The following MEGF8 variants were observed in gnomAD, a reference collection of about 807,000 sequenced individuals.
MEGF8 encodes multiple EGF like domains 8, also known as multiple epidermal growth factor-like domains protein 8.
In MEGF8, 156 loss-of-function variants were observed where a neutral mutation model predicts 302.9. The ratio of observed to expected loss-of-function variants is 0.52; its 90% confidence interval spans 0.45 to 0.59. The LOEUF is 0.59. Ranked by LOEUF, MEGF8 falls within the 20% of genes least tolerant of loss-of-function variation. The pLI is 0.00. For missense variants in MEGF8, 3,345 were observed against 3,964.5 expected (o/e 0.84, Z 4.20); for synonymous variants, 1,621 against 1,660.5 (o/e 0.98, Z 0.58).
At position 42,358,742 on chromosome 19, in the gene MEGF8, G is replaced by C; in HGVS notation, c.5176-45G>C. On this transcript the variant is annotated intron_variant, in intron 29 of 41. Coordinates refer to ENST00000251268, the MANE Select transcript of MEGF8 (RefSeq NM_001271938.2). The surrounding 1 kb of genome is among the most constrained non-coding windows in gnomAD (Gnocchi z 4.4). ...CTTGGAGGCAGGGGGCTAGAAGCAA[G>C]AGACTCGAGGAGCCTCAACCCCAGG... 6.8e-7 allele frequency: 1 copy of C among 1,471,380 alleles called. No individual in the cohort carries two copies. The highest frequency in any genetic ancestry group is 1.4e-5 in the South Asian group (1 of 69,340). The allele number at this position is 1,471,380 out of a possible 1,614,324, so 91.1% of individuals were successfully genotyped here. A position where few individuals can be genotyped will look rare whatever the true frequency, so the allele number is the denominator to read the frequency against.
At chr19:42,343,739 C>A in intron 9 of MEGF8, 108 bp downstream of exon 9, 1 of 1,414,596 alleles carries the variant, frequency 7.1e-7, no homozygotes, top group Non-Finnish European at 9.4e-7. Context: ...GAGTGGGGAT[C>A]CCTAGGACCA....
chr19:42,343,710 AGGGGATCCCTGGGAGAAGGAGT>A (rs1418572271), intron 9 of MEGF8, 79 bp downstream of exon 9: 1 of 1,469,510 alleles, frequency 6.8e-7, no homozygotes, highest in African/African-American at 1.4e-5. Flanking sequence ...GAAAGGCAGG[AGGGGATCCCTGGGAGAAGGAGT>A]GGGGATCCCT....
chr19:42,368,485 T>G lies in MEGF8; in HGVS notation c.6304T>G (p.Cys2102Gly). ...GAGCCCTTCCTACCTGCCCCTGCGA[T>G]GTATGGCCGGAGGCTGTGGGCGGCT... Reference protein sequence around the residue: ...CLSPSYLPLRCMAGGCGRLLR... With the variant: ...CLSPSYLPLRGMAGGCGRLLR... Residue 2102 changes from cysteine to glycine, a missense_variant, in exon 36 of 42, where the codon TGT becomes GGT. Coordinates refer to ENST00000251268, the MANE Select transcript of MEGF8 (RefSeq NM_001271938.2). This position sits in a 1 kb window ranked among gnomAD's most constrained non-coding sequence, Gnocchi z 4.9. The G allele has an allele frequency of 1.2e-6, 2 of 1,610,020 alleles. No homozygotes were observed. The highest frequency in any genetic ancestry group is 1.1e-5 in the South Asian group (1 of 90,218).
rs1387452081 is a variant in MEGF8 at position 42,375,989 on chromosome 19, G to A, written c.7752G>A (p.Ser2584=). The A allele has an allele frequency of 1.3e-5, 21 of 1,606,916 alleles. No homozygotes were observed. The highest frequency in any genetic ancestry group is 4.0e-5 in the African/African-American group (3 of 74,864). Residue 2584 remains serine, a synonymous_variant, in exon 42 of 42, where the codon TCG becomes TCA. Transcript: ENST00000251268. The surrounding 1 kb of genome is among the most constrained non-coding windows in gnomAD (Gnocchi z 7.1). ...CCTACGTGACGGTGACGGAGCCGTCGGCAGTGCTGGTGGTCCGCGGCGTGC... is the reference window on the plus strand; with the variant it reads ...CCTACGTGACGGTGACGGAGCCGTCAGCAGTGCTGGTGGTCCGCGGCGTGC... The part of the protein sequence containing the change: ...LITYVTVTEP[S]AVLVVRGVRD...
At position 42,375,517 on chromosome 19, in the gene MEGF8, G is replaced by A; in HGVS notation, c.7280G>A (p.Cys2427Tyr). The change falls in exon 42 of 42, where the codon TGC becomes TAC. Residue 2427 changes from cysteine to tyrosine, a missense_variant. Physicochemically the swap from Cys to Tyr is radical, Grantham distance 194. Coordinates refer to ENST00000251268, the MANE Select transcript of MEGF8 (RefSeq NM_001271938.2). The surrounding 1 kb of genome is among the most constrained non-coding windows in gnomAD (Gnocchi z 7.1). ...RDCYKYQCAK[C>Y]RESFHGSPLG... ...TAACCCTGCCCGCAGTGCGCCAAGT[G>A]CCGGGAATCATTTCACGGGAGTCCG... 2 of 1,584,000 alleles carry A rather than the reference G, an allele frequency of 1.3e-6. No homozygotes were observed. Among genetic ancestry groups the A allele is most frequent in the Non-Finnish European group, 1.7e-6 (2 of 1,165,962 alleles).
In MEGF8 at chr19:42,376,949, G is replaced by C; in HGVS notation, c.*174G>C. ...GTTCTGCATTCAGCAGCTATTTATC[G>C]AGTACCTACTCTGTCAGGCACTGTC... On this transcript the variant is annotated 3_prime_UTR_variant, in exon 42 of 42. Coordinates refer to ENST00000251268, the MANE Select transcript of MEGF8 (RefSeq NM_001271938.2). The surrounding 1 kb of genome is among the most constrained non-coding windows in gnomAD (Gnocchi z 8.2). 1.6e-6 allele frequency: 1 copy of C among 625,330 alleles called. No homozygotes were observed. Among genetic ancestry groups the C allele is most frequent in the South Asian group, 3.7e-5 (1 of 27,316 alleles). 38.7% of individuals were successfully genotyped at this position (625,330 alleles called of 1,614,324 possible).
At chr19:42,363,641 C>T (rs2039564662) in intron 35 of MEGF8, among the ~76,000 whole-genome samples, 1 of 152,168 alleles carries the variant, frequency 6.6e-6, no homozygotes, top group African/African-American at 2.4e-5. Flanking sequence ...CTTAATGCTT[C>T]TTCCTTCAAC....
rs1358868622 is a variant in MEGF8, at chr19:42,354,132, GT to G, written c.4011+115del. 25 of 1,208,508 alleles carry G rather than the reference GT, an allele frequency of 2.1e-5. No individual in the cohort carries two copies. The highest frequency in any genetic ancestry group is 5.0e-5 in the South Asian group (3 of 60,484). 74.9% of individuals were successfully genotyped at this position (1,208,508 alleles called of 1,614,324 possible). A position where few individuals can be genotyped will look rare whatever the true frequency, so the allele number is the denominator to read the frequency against. On this transcript the variant is annotated intron_variant, in intron 22 of 41. Coordinates refer to ENST00000251268, the MANE Select transcript of MEGF8 (RefSeq NM_001271938.2). This position sits in a 1 kb window ranked among gnomAD's most constrained non-coding sequence, Gnocchi z 4.3. ...CTAGTATTGCTGTTTTTTTTTTTTT[GT>G]TTTTTTAATCCTTCAAAACCCAAAC...
At chr19:42,359,042 G>A in intron 30 of MEGF8, 56 bp from the exon 31 acceptor site, 3 of 1,536,436 alleles carry the variant, frequency 2.0e-6, no homozygotes, top group Non-Finnish European at 2.6e-6. Flanking sequence ...CTAAGAGGGA[G>A]CAGAGGACAG....
rs570125469 is a variant in MEGF8, at chr19:42,333,698, C to G, written c.281C>G (p.Pro94Arg). ...DYLFVYDGDS[P>R]RGPLLASLSG... Reference sequence around the variant, plus strand: ...CTGTTCGTGTATGACGGTGACTCCCCGCGAGGGCCGCTGCTTGCCAGTCTA... The same window carrying G: ...CTGTTCGTGTATGACGGTGACTCCCGGCGAGGGCCGCTGCTTGCCAGTCTA... Residue 94 changes from proline (P) to arginine (R), a missense_variant, in exon 2 of 42, where the codon CCG (proline) becomes CGG (arginine). Pro to Arg is a moderately radical substitution (Grantham distance 103, BLOSUM62 -2). Coordinates refer to ENST00000251268, the MANE Select transcript of MEGF8 (RefSeq NM_001271938.2). 1.2e-6 allele frequency: 2 copies of G among 1,613,872 alleles called. No individual in the cohort carries two copies. The highest frequency in any genetic ancestry group is 1.7e-6 in the Non-Finnish European group (2 of 1,179,906).
intron 12 of MEGF8, among the ~76,000 whole-genome samples, chr19:42,347,463 A>G (rs1190752900): frequency 6.6e-6 from 1 of 151,000 alleles, no homozygotes; most frequent in Non-Finnish European, 1.5e-5. Context: ...GATTACAAAC[A>G]TGCACCACCA....
Position 42,353,239 on chromosome 19 carries a change from G to A in MEGF8, c.3550+112G>A. 3.6e-6 allele frequency: 4 copies of A among 1,118,700 alleles called. No individual in the cohort carries two copies. Among genetic ancestry groups the A allele is most frequent in the Non-Finnish European group, 5.0e-6 (4 of 800,722 alleles). 69.3% of individuals were successfully genotyped at this position (1,118,700 alleles called of 1,614,324 possible). A position where few individuals can be genotyped will look rare whatever the true frequency, so the allele number is the denominator to read the frequency against. Reference sequence around the variant, plus strand: ...CTCAGTGTCCTCTCATGCAGCTCTAGGTCCCCTGCCCCATTCCTGTTCCTG... The same window carrying A: ...CTCAGTGTCCTCTCATGCAGCTCTAAGTCCCCTGCCCCATTCCTGTTCCTG... On this transcript the variant is annotated intron_variant, in intron 20 of 41. Coordinates refer to ENST00000251268, the MANE Select transcript of MEGF8 (RefSeq NM_001271938.2). The surrounding 1 kb of genome is among the most constrained non-coding windows in gnomAD (Gnocchi z 6.1).
chr19:42,344,493 C>A lies in MEGF8; in HGVS notation c.1841C>A (p.Ala614Asp). 1 of 1,598,542 alleles carries A rather than the reference C, an allele frequency of 6.3e-7. No homozygotes were observed. Among genetic ancestry groups the A allele is most frequent in the Non-Finnish European group, 8.5e-7 (1 of 1,179,350 alleles). ...GGCCGCCTCCTGGGTGACTGCCAGG[C>A]CTGCCTGGCCTTCAGCAGCCCCACA... is the stretch of plus-strand genomic sequence containing the variant. ...GLGRLLGDCQ[A>D]CLAFSSPTAP... The change falls in exon 11 of 42, where the codon GCC (alanine) becomes GAC (aspartate). Residue 614 changes from alanine to aspartate, a missense_variant. Physicochemically the swap from Ala to Asp is moderately radical, Grantham distance 126. Transcript: ENST00000251268. This position sits in a 1 kb window ranked among gnomAD's most constrained non-coding sequence, Gnocchi z 4.5.
Position 42,352,471 on chromosome 19 carries a change from G to T in MEGF8, c.3350+15G>T. The T allele has an allele frequency of 1.3e-6, 2 of 1,572,128 alleles. No homozygotes were observed. Among genetic ancestry groups the T allele is most frequent in the South Asian group, 2.3e-5 (2 of 86,364 alleles). On this transcript the variant is annotated intron_variant, in intron 19 of 41. Transcript: ENST00000251268. This position sits in a 1 kb window ranked among gnomAD's most constrained non-coding sequence, Gnocchi z 4.4. Reference sequence around the variant, plus strand: ...TGCAACCGCACGTGAGTGAGGCGGGGGTTGCTATGGAGATGTTGCCCCAGG... The same window carrying T: ...TGCAACCGCACGTGAGTGAGGCGGGTGTTGCTATGGAGATGTTGCCCCAGG...
intron 31 of MEGF8, 138 bp from the exon 32 acceptor site, chr19:42,360,637 C>T: frequency 2.7e-6 from 4 of 1,470,946 alleles, no homozygotes; most frequent in Non-Finnish European, 9.0e-7. Context: ...GAGCCACCGC[C>T]CTTGGCCTTG....
chr19:42,374,470 CAA>C (rs58700897), intron 41 of MEGF8, among the ~76,000 whole-genome samples: 16 of 56,294 alleles, frequency 2.8e-4, no homozygotes, highest in Non-Finnish European at 3.1e-4. Flanking sequence ...GACTCTGTCT[CAA>C]AAAAAAAAAA....
intron 35 of MEGF8, among the ~76,000 whole-genome samples, chr19:42,365,955 G>A (rs2039599249): frequency 6.6e-6 from 1 of 151,782 alleles, no homozygotes; most frequent in African/African-American, 2.4e-5. Flanking sequence ...GGTGGCAGGT[G>A]CCTGTAATCC....
At chr19:42,341,344 G>A (rs1488813784) in intron 8 of MEGF8, among the ~76,000 whole-genome samples, 4 of 149,066 alleles carry the variant, frequency 2.7e-5, no homozygotes, top group South Asian at 4.2e-4. Flanking sequence ...CAGGAGAATC[G>A]CTTGAACCCA....
Position 42,335,337 on chromosome 19 carries a change from C to T in MEGF8, c.780C>T (p.Tyr260=). ...LNNALGDLVL[Y]NFSANTWESW... ...ATGCCCTGGGTGACCTCGTCCTATA[C>T]AACTTCTCCGCCAACACCTGGGAGT... is the stretch of plus-strand genomic sequence containing the variant. The change falls in exon 5 of 42, where the codon TAC becomes TAT. Residue 260 remains tyrosine (Y), a synonymous_variant. Coordinates refer to ENST00000251268, the MANE Select transcript of MEGF8 (RefSeq NM_001271938.2). 2 of 1,614,034 alleles carry T rather than the reference C, an allele frequency of 1.2e-6. No individual in the cohort carries two copies. Among genetic ancestry groups the T allele is most frequent in the South Asian group, 1.1e-5 (1 of 91,082 alleles).
Sources: allele counts gnomAD v4.1 joint callset (sites outside exome capture counted in the v4.1 genomes callset), GRCh38; gene constraint gnomAD v4.1.1; non-coding constraint Gnocchi (gnomAD v3.1); transcripts MANE v1.5; gene names NCBI Gene and HGNC (gene_info 2026-07-23, HGNC 2026-07-21).